Variants in NEB observed in about 807,000 individuals in gnomAD.
NEB encodes the protein nebulin.
In NEB, 512 loss-of-function variants were observed where a neutral mutation model predicts 952.2. The ratio of observed to expected loss-of-function variants is 0.54; its 90% CI spans 0.50 to 0.58. The LOEUF (loss-of-function observed/expected upper bound fraction) is 0.58, where lower values mean the gene tolerates loss of function less well. Ranked by LOEUF, NEB falls within the 20% of genes least tolerant of loss-of-function variation. The pLI, the probability that NEB is intolerant of heterozygous loss-of-function variation, is 0.00. For synonymous variants in NEB, 2,900 were observed against 3,149.8 expected (o/e 0.92, Z 2.66); for missense variants, 8,428 against 9,231.1 (o/e 0.91, Z 3.56).
At chr2:151,546,907 G>GT (rs971026360) in intron 133 of NEB, among the ~76,000 whole-genome samples, 37 of 151,888 alleles carry the variant, frequency 2.4e-4, no homozygotes, top group African/African-American at 6.3e-4. Context: ...AATAAGTCAT[G>GT]TTTTTTTTCA....
At chr2:151,719,851 C>T (rs907424252) in intron 9 of NEB, among the ~76,000 whole-genome samples, 4 of 143,524 alleles carry the variant, frequency 2.8e-5, no homozygotes, top group Admixed American at 1.5e-4. Context: ...TGTATCACTG[C>T]ACTCCAGCCT....
intron 9 of NEB, among the ~76,000 whole-genome samples, chr2:151,720,643 T>A (rs2099771632): frequency 6.6e-6 from 1 of 152,344 alleles, no homozygotes; most frequent in Admixed American, 6.5e-5. Flanking sequence ...CTCCATTTGA[T>A]AGATGAAGGG....
intron 124 of NEB, among the ~76,000 whole-genome samples, chr2:151,558,381 G>C (rs2095803296): frequency 6.6e-6 from 1 of 152,114 alleles, no homozygotes; most frequent in African/African-American, 2.4e-5. Context: ...CGAACAAATG[G>C]AAAAACATTC....
Position 151,631,238 on chromosome 2 carries a change from T to C in NEB, c.9523A>G (p.Ile3175Val). The part of the protein sequence containing the change: ...KRATEILSDN[I>V]YRQPPDKLKF... ...AGCTTGTCCGGAGGCTGGCGGTAGA[T>C]GTTATCACTCAGTATTTCGGTAGCT... is the stretch of plus-strand genomic sequence containing the variant. The change falls in exon 66 of 182, where the codon ATC becomes GTC. Residue 3175 changes from isoleucine to valine, a missense_variant. This residue lies in a region of NEB where 1,772 missense variants were observed against 1,960.3 expected (regional missense o/e 0.90). Transcript: ENST00000397345. 2 of 1,613,962 alleles carry C rather than the reference T, an allele frequency of 1.2e-6. No homozygotes were observed. Among genetic ancestry groups the C allele is most frequent in the Non-Finnish European group, 8.5e-7 (1 of 1,179,870 alleles).
rs2099709000 is a variant in NEB, at chr2:151,706,927, T to C, written c.1106A>G (p.Asn369Ser). 1 of 1,606,964 alleles carries C rather than the reference T, an allele frequency of 6.2e-7. No individual in the cohort carries two copies. Among genetic ancestry groups the C allele is most frequent in the Non-Finnish European group, 8.5e-7 (1 of 1,176,224 alleles). ...ADYNVLPASE[N>S]PQLRQLKAAG... ...TGCCTTCAGCTGCCTAAGCTGTGGG[T>C]TCTCTGAAGCAGGAAGCACATTATA... is the stretch of plus-strand genomic sequence containing the variant. The change falls in exon 13 of 182, where the codon AAC becomes AGC. Residue 369 changes from asparagine (N) to serine (S), a missense_variant. Asn to Ser is a conservative substitution (Grantham distance 46, BLOSUM62 1). Around this residue, in one of 11 missense-constraint regions of NEB, gnomAD observed 2,851 missense variants for 2,791.5 expected, o/e 1.02. Transcript: ENST00000397345.
intron 107 of NEB, among the ~76,000 whole-genome samples, chr2:151,571,364 C>T (rs1263215627): frequency 1.3e-5 from 2 of 152,142 alleles, no homozygotes; most frequent in Admixed American, 6.5e-5. Flanking sequence ...TTTATAATCT[C>T]GTTCATAAAA....
In NEB at chr2:151,529,227, A is replaced by T; in HGVS notation, c.21718T>A (p.Tyr7240Asn). ...GAACTTACATTGGTGTTGACTTTGT[A>T]GGCGTCCTTGGCTGCTTTGATATGA... is the stretch of plus-strand genomic sequence containing the variant. ...AVHIKAAKDA[Y>N]KVNTNLDYKK... The change falls in exon 146 of 182, where the codon TAC (tyrosine) becomes AAC (asparagine). Residue 7240 changes from tyrosine (Y) to asparagine (N), a missense_variant. Tyr to Asn is a moderately radical substitution (Grantham distance 143). This residue lies in a region of NEB where 3,374 missense variants were observed against 3,651.5 expected (regional missense o/e 0.92). Transcript: ENST00000397345. The T allele has an allele frequency of 6.2e-7, 1 of 1,611,876 alleles. No homozygotes were observed. The highest frequency in any genetic ancestry group is 8.5e-7 in the Non-Finnish European group (1 of 1,178,020).
Position 151,727,693 on chromosome 2 carries a change from G to A in NEB, c.292C>T (p.Pro98Ser). 3.1e-6 allele frequency: 5 copies of A among 1,611,480 alleles called. No individual in the cohort carries two copies. Among genetic ancestry groups the A allele is most frequent in the Non-Finnish European group, 3.4e-6 (4 of 1,178,016 alleles). The part of the protein sequence containing the change: ...HSQKMQDLFS[P>S]NKYKEKFEKT... Reference sequence around the variant, plus strand: ...AGCAGAAGTTGTTTGAAACTTACTGGGCTAAAAAGATCCTGCATTTTCTGA... The same window carrying A: ...AGCAGAAGTTGTTTGAAACTTACTGAGCTAAAAAGATCCTGCATTTTCTGA... The change falls in exon 5 of 182, where the codon CCA (proline) becomes TCA (serine). Residue 98 changes from proline (P) to serine (S), a missense_variant and splice_region_variant. By Grantham distance (74) the Pro-to-Ser change is moderately conservative. This residue lies in a region of NEB where 2,851 missense variants were observed against 2,791.5 expected (regional missense o/e 1.02). Coordinates refer to ENST00000397345, the MANE Select transcript of NEB (RefSeq NM_001164508.2).
intron 81 of NEB, among the ~76,000 whole-genome samples, chr2:151,609,154 T>A (rs186846560): frequency 1.1e-4 from 17 of 151,420 alleles, no homozygotes; most frequent in Admixed American, 2.0e-4. Context: ...CAATTGGAGA[T>A]TGCACTCCAG....
chr2:151,535,354 T>TA (rs2092917762), intron 142 of NEB, among the ~76,000 whole-genome samples: 1 of 152,160 alleles, frequency 6.6e-6, no homozygotes, highest in Non-Finnish European at 1.5e-5. Flanking sequence ...ACAATATAGA[T>TA]TGTGTAATAT....
intron 133 of NEB, among the ~76,000 whole-genome samples, chr2:151,547,166 C>T (rs2094819710): frequency 6.6e-6 from 1 of 151,984 alleles, no homozygotes; most frequent in Admixed American, 6.6e-5. Flanking sequence ...TGGAATGATT[C>T]CATGTTGAAT....
chr2:151,510,219 C>T (rs1044429853), intron 161 of NEB, among the ~76,000 whole-genome samples: 3 of 152,120 alleles, frequency 2.0e-5, no homozygotes, highest in Admixed American at 1.3e-4. Context: ...CCCCAATAAA[C>T]TTGTTTGTGG....
rs1261996796 is a variant in NEB at position 151,492,278 on chromosome 2, T to C, written c.24877A>G (p.Lys8293Glu). 9 of 1,610,422 alleles carry C rather than the reference T, an allele frequency of 5.6e-6. No individual in the cohort carries two copies. The highest frequency in any genetic ancestry group is 7.6e-6 in the Non-Finnish European group (9 of 1,177,550). ...TGTTTCTCAAAGTCTTCATGATATTTCACCTGAAATGTCATGAATTTGCTT... is the reference window on the plus strand; with the variant it reads ...TGTTTCTCAAAGTCTTCATGATATTCCACCTGAAATGTCATGAATTTGCTT... The part of the protein sequence containing the change: ...RETQRHISTV[K>E]YHEDFEKHKG... Residue 8293 changes from lysine (K) to glutamate (E), a missense_variant, in exon 178 of 182, where the codon AAA becomes GAA. Coordinates refer to ENST00000397345, the MANE Select transcript of NEB (RefSeq NM_001164508.2).
intron 92 of NEB, among the ~76,000 whole-genome samples, chr2:151,594,874 T>C (rs1336847950): frequency 2.3e-5 from 1 of 42,964 alleles, no homozygotes; most frequent in African/African-American, 1.1e-4. Flanking sequence ...ACGTGTGTGG[T>C]TTTGGAAACA....
chr2:151,513,032 A>G (rs1214182580), intron 160 of NEB, among the ~76,000 whole-genome samples, 195 bp from the exon 161 acceptor site: 1 of 152,220 alleles, frequency 6.6e-6, no homozygotes, highest in Admixed American at 6.5e-5. Context: ...GTCAAGTCCT[A>G]GCTGTTGAGA....
In NEB at chr2:151,527,468, T is replaced by G. The variant is rs75515097; in HGVS notation, c.21840+13A>C. ...GTATGCAGTTACAATCGTCTGTGTC[T>G]CTCCTGTCTTACATCGCTTTGCTGC... On this transcript the variant is annotated intron_variant, in intron 147 of 181. Coordinates refer to ENST00000397345, the MANE Select transcript of NEB (RefSeq NM_001164508.2). 309 of 1,595,974 alleles carry G rather than the reference T, an allele frequency of 1.9e-4. 1 individual carries two copies. The African/African-American group carries it at 3.8e-3, about 19-fold the overall frequency.
chr2:151,500,960 T>G (rs887851345), intron 168 of NEB, among the ~76,000 whole-genome samples: 2 of 152,192 alleles, frequency 1.3e-5, no homozygotes, highest in African/African-American at 4.8e-5. Flanking sequence ...CTATTGTTTA[T>G]CTGAATAGGG....
Position 151,684,890 on chromosome 2 carries a change from G to T in NEB, c.2723C>A (p.Ser908Tyr). The T allele has an allele frequency of 6.2e-7, 1 of 1,613,282 alleles. No individual in the cohort carries two copies. The highest frequency in any genetic ancestry group is 8.5e-7 in the Non-Finnish European group (1 of 1,179,554). The part of the protein sequence containing the change: ...DMLQVTQAKK[S>Y]QAIASDVDYK... ...ATCAACGTCGCTGGCAATTGCCTGA[G>T]ATTTCTTAGCTTGAGTGACTTGGAG... is the stretch of plus-strand genomic sequence containing the variant. Residue 908 changes from serine to tyrosine, a missense_variant, in exon 28 of 182, where the codon TCT becomes TAT. Coordinates refer to ENST00000397345, the MANE Select transcript of NEB (RefSeq NM_001164508.2).
chr2:151,614,237 T>C (rs1179894168), intron 77 of NEB, 39 bp downstream of exon 77: 1 of 1,595,314 alleles, frequency 6.3e-7, no homozygotes, highest in South Asian at 1.1e-5. Flanking sequence ...GTTAGAATGC[T>C]TTTCTAAACC....
Sources: allele counts gnomAD v4.1 joint callset (sites outside exome capture counted in the v4.1 genomes callset), GRCh38; gene constraint gnomAD v4.1.1; regional missense constraint gnomAD v4.1.1; transcripts MANE v1.5; gene names NCBI Gene and HGNC (gene_info 2026-07-23, HGNC 2026-07-21).